Variants in KSR2 observed in about 807,000 individuals in gnomAD.
KSR2 encodes the protein kinase suppressor of ras 2.
KSR2 carries 25 observed loss-of-function variants against 107.8 expected under a neutral mutation model. That is an observed-to-expected ratio of 0.23 (90% confidence interval 0.17 to 0.32). The LOEUF (loss-of-function observed/expected upper bound fraction) is 0.32, where lower values mean the gene tolerates loss of function less well. Ranked by LOEUF, KSR2 falls within the 10% of genes least tolerant of loss-of-function variation. The pLI, the probability that KSR2 is intolerant of heterozygous loss-of-function variation, is 1.00. For synonymous variants in KSR2, 480 were observed against 507.0 expected (o/e 0.95, Z 0.71); for missense variants, 887 against 1,268.9 (o/e 0.70, Z 4.57).
intron 3 of KSR2, among the ~76,000 whole-genome samples, chr12:117,763,049 C>T (rs1394145546): frequency 1.3e-5 from 2 of 151,916 alleles, no homozygotes; most frequent in Admixed American, 1.3e-4. Context: ...TCTCCCCCGA[C>T]CCCACAACAG....
intron 1 of KSR2, among the ~76,000 whole-genome samples, chr12:117,908,927 G>A (rs951041150): frequency 2.0e-5 from 3 of 152,068 alleles, no homozygotes; most frequent in African/African-American, 4.8e-5. Flanking sequence ...TATTGAAACC[G>A]AAAGTGAGCC....
chr12:117,782,021 T>C (rs1889905596), intron 3 of KSR2, among the ~76,000 whole-genome samples: 1 of 152,234 alleles, frequency 6.6e-6, no homozygotes, highest in Non-Finnish European at 1.5e-5. Flanking sequence ...CCACCCCTAG[T>C]TACCAACCCT....
rs562433248 is a variant in KSR2 at position 117,519,024 on chromosome 12, G to T, written c.2219+5828C>A. 9.8e-5 allele frequency among the ~76,000 whole-genome samples: 15 copies of T among 152,302 alleles called. No homozygotes were observed. The South Asian group carries it at 1.0e-3, about 11-fold the overall frequency. ...AACTTGTTATTGTCTGTCTCTTCTG[G>T]AATGCAAAGTCCACAGTACAAACTG... On this transcript the variant is annotated intron_variant, in intron 14 of 19. Transcript: ENST00000339824.
chr12:117,754,757 C>A (rs370881688), intron 4 of KSR2, among the ~76,000 whole-genome samples: 1 of 151,914 alleles, frequency 6.6e-6, no homozygotes, highest in African/African-American at 2.4e-5. Context: ...GCTGAGATTG[C>A]GCCATTGCAC....
chr12:117,609,856 T>C (rs1881496967), intron 5 of KSR2, among the ~76,000 whole-genome samples: 1 of 152,198 alleles, frequency 6.6e-6, no homozygotes, highest in African/African-American at 2.4e-5. Flanking sequence ...CAGCCAAAAA[T>C]GTTTCCAGAC....
intron 9 of KSR2, 30 bp from the exon 10 acceptor site, chr12:117,539,917 G>A: frequency 6.4e-7 from 1 of 1,567,694 alleles, no homozygotes; most frequent in Non-Finnish European, 8.6e-7. Flanking sequence ...TAGGAGTCAG[G>A]GACAGGCAGG....
chr12:117,558,831 T>C (rs913069410), intron 7 of KSR2, among the ~76,000 whole-genome samples: 1 of 151,192 alleles, frequency 6.6e-6, no homozygotes, highest in Non-Finnish European at 1.5e-5. Flanking sequence ...GGTGGATAGA[T>C]TGATAGGTGG....
intron 4 of KSR2, among the ~76,000 whole-genome samples, chr12:117,668,838 G>A (rs1884780057): frequency 6.6e-6 from 1 of 152,184 alleles, no homozygotes; most frequent in Non-Finnish European, 1.5e-5. Flanking sequence ...TCCTCTTGGG[G>A]ACTCTTCAAG....
intron 3 of KSR2, 29 bp from the exon 4 acceptor site, chr12:117,761,553 T>C: frequency 6.2e-7 from 1 of 1,611,578 alleles, no homozygotes; most frequent in South Asian, 1.1e-5. Context: ...GCAGAGACAA[T>C]GGGTAAGCCA....
At chr12:117,679,551 T>G (rs1885285574) in intron 4 of KSR2, among the ~76,000 whole-genome samples, 1 of 152,180 alleles carries the variant, frequency 6.6e-6, no homozygotes, top group South Asian at 2.1e-4. Flanking sequence ...GACCTGGCCA[T>G]GAGGCAGGAG....
chr12:117,910,577 A>G (rs139279534), intron 1 of KSR2, among the ~76,000 whole-genome samples: 55 of 152,266 alleles, frequency 3.6e-4, no homozygotes, highest in African/African-American at 1.2e-3. Context: ...TTTTACCACA[A>G]TTAAACTTAC....
chr12:117,855,204 G>C (rs983788438), intron 3 of KSR2, among the ~76,000 whole-genome samples: 6 of 152,178 alleles, frequency 3.9e-5, no homozygotes, highest in Non-Finnish European at 7.3e-5. Flanking sequence ...CTAAACCTCA[G>C]CGGGTCTTCC....
intron 5 of KSR2, among the ~76,000 whole-genome samples, chr12:117,609,210 A>G (rs1204525427): frequency 6.6e-6 from 1 of 152,180 alleles, no homozygotes; most frequent in African/African-American, 2.4e-5. Flanking sequence ...AGAGATATTG[A>G]GCAAATTATT....
intron 4 of KSR2, among the ~76,000 whole-genome samples, chr12:117,754,748 C>G (rs1888729207): frequency 6.6e-6 from 1 of 152,174 alleles, no homozygotes; most frequent in Admixed American, 6.5e-5. Context: ...TTGCAGTGAG[C>G]TGAGATTGCG....
chr12:117,578,972 G>A (rs892548216), intron 7 of KSR2, 147 bp downstream of exon 7: 12 of 667,312 alleles, frequency 1.8e-5, no homozygotes, highest in East Asian at 5.4e-5. Context: ...AAACTTACAG[G>A]TGCATTTCCA....
intron 1 of KSR2, among the ~76,000 whole-genome samples, chr12:117,923,059 C>T (rs1414950686): frequency 6.6e-6 from 1 of 152,050 alleles, no homozygotes; most frequent in Non-Finnish European, 1.5e-5. Context: ...TTAGAATGCC[C>T]CCGGTTAGTG....
intron 5 of KSR2, among the ~76,000 whole-genome samples, chr12:117,647,784 G>A (rs1400674011): frequency 1.3e-5 from 2 of 152,036 alleles, no homozygotes; most frequent in South Asian, 2.1e-4. Context: ...GTGCAGTGGC[G>A]TGATCATAGC....
intron 3 of KSR2, among the ~76,000 whole-genome samples, chr12:117,809,894 T>A (rs185531965): frequency 1.3e-5 from 2 of 152,298 alleles, no homozygotes; most frequent in East Asian, 3.9e-4. Context: ...GGATGGACAG[T>A]ATAATTTGAC....
chr12:117,732,694 G>A (rs1278485728), intron 4 of KSR2, among the ~76,000 whole-genome samples: 1 of 152,164 alleles, frequency 6.6e-6, no homozygotes, highest in African/African-American at 2.4e-5. Flanking sequence ...GAGGCCTAGA[G>A]AGTTGTTAAT....
Sources: allele counts gnomAD v4.1 joint callset (sites outside exome capture counted in the v4.1 genomes callset), GRCh38; gene constraint gnomAD v4.1.1; transcripts MANE v1.5; gene names NCBI Gene and HGNC (gene_info 2026-07-23, HGNC 2026-07-21).